FOXP2: variants seen among roughly 807,000 people sequenced by gnomAD.
FOXP2 encodes the protein forkhead box P2.
A neutral mutation model predicts 115.8 loss-of-function variants in FOXP2; 12 were observed. The ratio of observed to expected loss-of-function variants is 0.10; its 90% CI spans 0.07 to 0.17. The LOEUF (loss-of-function observed/expected upper bound fraction) is 0.17, where lower values mean the gene tolerates loss of function less well. FOXP2 is among the 10% of genes least tolerant of loss of function. FOXP2 has a pLI of 1.00. For synonymous variants in FOXP2, 328 were observed against 297.7 expected, an observed-to-expected ratio of 1.10 and a Z score of -1.05; for missense variants, 629 against 843.5, an observed-to-expected ratio of 0.75 and a Z score of 3.15.
chr7:114,438,026 G>C (rs182945241), intron 2 of FOXP2, among the ~76,000 whole-genome samples: 1 of 151,988 alleles, frequency 6.6e-6, no homozygotes, highest in Admixed American at 6.6e-5. Context: ...TGATATTCTG[G>C]AATATATTGG....
At chr7:114,294,969 A>G (rs1796706641) in intron 2 of FOXP2, among the ~76,000 whole-genome samples, 1 of 152,140 alleles carries the variant, frequency 6.6e-6, no homozygotes, top group Non-Finnish European at 1.5e-5. Context: ...TCCAAATTTC[A>G]TTCCTATTGA....
At chr7:114,357,110 G>T (rs1791635838) in intron 2 of FOXP2, among the ~76,000 whole-genome samples, 1 of 152,100 alleles carries the variant, frequency 6.6e-6, no homozygotes. Flanking sequence ...GTAAGTAAAT[G>T]CCATCAGAAT....
At chr7:114,232,755 G>A (rs1794914514) in intron 1 of FOXP2, among the ~76,000 whole-genome samples, 1 of 151,644 alleles carries the variant, frequency 6.6e-6, no homozygotes, top group Non-Finnish European at 1.5e-5. Flanking sequence ...GGAAGTTGTG[G>A]TGAGCCGAGA....
chr7:114,647,537 A>G (rs1805980244), intron 8 of FOXP2, among the ~76,000 whole-genome samples: 1 of 151,952 alleles, frequency 6.6e-6, no homozygotes, highest in African/African-American at 2.4e-5. Context: ...AGCAGAAAAT[A>G]CAAAATGATG....
intron 2 of FOXP2, among the ~76,000 whole-genome samples, chr7:114,293,452 G>C (rs1050711312): frequency 1.3e-5 from 2 of 152,128 alleles, no homozygotes; most frequent in African/African-American, 4.8e-5. Flanking sequence ...GCAACTTCCT[G>C]AAAGACTCTG....
chr7:114,209,355 T>C (rs577158695), intron 1 of FOXP2, among the ~76,000 whole-genome samples: 1 of 152,226 alleles, frequency 6.6e-6, no homozygotes, highest in Non-Finnish European at 1.5e-5. Context: ...ATGTCGTTAT[T>C]AGCAGCATGA....
intron 2 of FOXP2, among the ~76,000 whole-genome samples, chr7:114,346,227 G>A (rs907732148): frequency 2.0e-5 from 3 of 151,640 alleles, no homozygotes; most frequent in African/African-American, 7.3e-5. Context: ...TACAATTTTA[G>A]AATAATCCTG....
At position 114,579,870 on chromosome 7, in the gene FOXP2, T is replaced by C. The variant is rs1319251406; in HGVS notation, c.258+45164T>C. Among the ~76,000 whole-genome samples, 9 of 152,318 alleles carry C rather than the reference T, an allele frequency of 5.9e-5. No homozygotes were observed. The East Asian group carries it at 1.7e-3, about 29-fold the overall frequency. Reference sequence around the variant, plus strand: ...ATCACCTATATTTGAGAAATTTAGATTATGAAAATGGGAAATACGTAATTT... The same window carrying C: ...ATCACCTATATTTGAGAAATTTAGACTATGAAAATGGGAAATACGTAATTT... On this transcript the variant is annotated intron_variant, in intron 3 of 16. Transcript: ENST00000350908.
At chr7:114,430,450 G>C (rs937158625) in intron 2 of FOXP2, among the ~76,000 whole-genome samples, 32 of 151,486 alleles carry the variant, frequency 2.1e-4, no homozygotes, top group African/African-American at 7.5e-4. Context: ...TGTCACATAG[G>C]CAAGATTTTA....
intron 7 of FOXP2, among the ~76,000 whole-genome samples, 183 bp downstream of exon 7, chr7:114,642,806 ATATATAT>A (rs1388032177): frequency 4.6e-5 from 2 of 43,120 alleles, no homozygotes; most frequent in African/African-American, 1.4e-4. Context: ...ATATATATAT[ATATATAT>A]TTTTTTTTTT....
chr7:114,454,207 A>G (rs954312999), intron 2 of FOXP2, among the ~76,000 whole-genome samples: 1 of 152,050 alleles, frequency 6.6e-6, no homozygotes, highest in Non-Finnish European at 1.5e-5. Context: ...AAGTGGGTGA[A>G]GGACATGAAC....
chr7:114,249,788 T>G (rs1442955174), intron 1 of FOXP2, among the ~76,000 whole-genome samples: 1 of 151,930 alleles, frequency 6.6e-6, no homozygotes, highest in East Asian at 1.9e-4. Context: ...TCTTTGTTTT[T>G]TTTTGTTTTT....
At chr7:114,188,353 C>G (rs1242667437) in intron 1 of FOXP2, among the ~76,000 whole-genome samples, 1 of 152,120 alleles carries the variant, frequency 6.6e-6, no homozygotes, top group Non-Finnish European at 1.5e-5. Context: ...CACTGGCTTT[C>G]TCTCTGGTTT....
At chr7:114,304,735 T>A (rs1215071623) in intron 2 of FOXP2, among the ~76,000 whole-genome samples, 1 of 150,592 alleles carries the variant, frequency 6.6e-6, no homozygotes, top group Non-Finnish European at 1.5e-5. Flanking sequence ...GAAGTTCAGA[T>A]GATTTCTTTC....
At chr7:114,411,594 A>C (rs542734408), upstream of FOXP2, among the ~76,000 whole-genome samples, 1 of 152,248 alleles carries the variant, frequency 6.6e-6, no homozygotes, top group South Asian at 2.1e-4. Context: ...TGGTGGCTGC[A>C]ATTTAGTAAA....
chr7:114,233,039 A>G (rs566883643), intron 1 of FOXP2, among the ~76,000 whole-genome samples: 57 of 152,284 alleles, frequency 3.7e-4, no homozygotes, highest in African/African-American at 1.3e-3. Context: ...CTTCCGTTCA[A>G]TGGATAGCCT....
At chr7:114,410,846 G>T (rs1010052946), upstream of FOXP2, among the ~76,000 whole-genome samples, 2 of 150,948 alleles carry the variant, frequency 1.3e-5, no homozygotes, top group African/African-American at 4.9e-5. Flanking sequence ...GTAGGCAGTA[G>T]AAAATAGTAG....
At chr7:114,612,482 T>C (rs1803689368) in intron 3 of FOXP2, among the ~76,000 whole-genome samples, 3 of 116,420 alleles carry the variant, frequency 2.6e-5, no homozygotes, top group African/African-American at 1.2e-4. Context: ...AATGAATAAA[T>C]GAGGCTCAGT....
At chr7:114,326,883 A>G (rs1445818447) in intron 2 of FOXP2, among the ~76,000 whole-genome samples, 1 of 152,200 alleles carries the variant, frequency 6.6e-6, no homozygotes, top group Non-Finnish European at 1.5e-5. Context: ...TATTTTAGGG[A>G]TAATATAGTC....
Sources: gnomAD v4.1 joint callset for allele counts (sites outside exome capture counted in the v4.1 genomes callset) on GRCh38, gnomAD v4.1.1 for gene constraint, MANE v1.5 for transcripts, NCBI Gene and HGNC (gene_info 2026-07-23, HGNC 2026-07-21) for gene names.